TCF20: variants seen among roughly 807,000 people sequenced by gnomAD.
TCF20 encodes the protein SPRE-binding protein.
Under a neutral mutation model 148.6 loss-of-function variants are expected in TCF20, and 3 were observed. The observed-to-expected ratio is 0.02, with a 90% CI of 0.01 to 0.05. TCF20 has a LOEUF of 0.05. TCF20 is among the 10% of genes least tolerant of loss of function. TCF20 has a pLI of 1.00. For synonymous variants in TCF20, 1,049 were observed against 909.5 expected, an observed-to-expected ratio of 1.15 and a Z score of -2.76; for missense variants, 2,350 against 2,429.3, an observed-to-expected ratio of 0.97 and a Z score of 0.69.
chr22:42,231,786 A>G (rs1194848142), intron 1 of TCF20, among the ~76,000 whole-genome samples: 3 of 151,944 alleles, frequency 2.0e-5, no homozygotes, highest in African/African-American at 7.3e-5. Context: ...AAAATTAGCC[A>G]GGTGTGGTGG....
intron 2 of TCF20, among the ~76,000 whole-genome samples, chr22:42,208,936 T>G (rs1938580008): frequency 6.6e-6 from 1 of 152,064 alleles, no homozygotes; most frequent in South Asian, 2.1e-4. Context: ...CTCAAGACCC[T>G]AGGGAAAAGG....
chr22:42,177,153 G>A (rs1312448430), intron 3 of TCF20, among the ~76,000 whole-genome samples: 5 of 152,082 alleles, frequency 3.3e-5, no homozygotes, highest in African/African-American at 1.2e-4. Flanking sequence ...GGTGGCTCAC[G>A]TCTGTAATCC....
chr22:42,256,360 TTTTTC>T (rs1190430439), intron 1 of TCF20, among the ~76,000 whole-genome samples: 3 of 152,224 alleles, frequency 2.0e-5, no homozygotes, highest in East Asian at 3.8e-4. Context: ...GAAATTTTCT[TTTTTC>T]TTTTATTTTC....
intron 1 of TCF20, among the ~76,000 whole-genome samples, chr22:42,305,201 C>T (rs930222177): frequency 6.6e-6 from 1 of 152,124 alleles, no homozygotes; most frequent in African/African-American, 2.4e-5. Context: ...TGCCTCCTGG[C>T]CCCCAAGGCT....
At chr22:42,263,099 T>C (rs1433011583) in intron 1 of TCF20, among the ~76,000 whole-genome samples, 1 of 152,072 alleles carries the variant, frequency 6.6e-6, no homozygotes, top group South Asian at 2.1e-4. Flanking sequence ...AGAAGATATA[T>C]CTCCGTTGCA....
At chr22:42,335,099 C>T (rs986542733) in intron 1 of TCF20, among the ~76,000 whole-genome samples, 1 of 152,202 alleles carries the variant, frequency 6.6e-6, no homozygotes, top group Non-Finnish European at 1.5e-5. Flanking sequence ...GAGACCATTC[C>T]TGCTCCCGGG....
At chr22:42,242,202 CAAAAAA>C (rs151190006) in intron 1 of TCF20, among the ~76,000 whole-genome samples, 20 of 59,812 alleles carry the variant, frequency 3.3e-4, no homozygotes, top group African/African-American at 4.5e-4. Flanking sequence ...GACTTCGCCT[CAAAAAA>C]AAAAAAAAAA....
At chr22:42,273,132 G>GGC (rs386395500), upstream of TCF20, among the ~76,000 whole-genome samples, 78 of 151,978 alleles carry the variant, frequency 5.1e-4, no homozygotes, top group African/African-American at 1.8e-3. Context: ...GGCCAAGGGG[G>GGC]GTGTATCACC....
chr22:42,247,175 C>T (rs1378540848), intron 1 of TCF20, among the ~76,000 whole-genome samples: 2 of 151,786 alleles, frequency 1.3e-5, no homozygotes, highest in South Asian at 4.2e-4. Flanking sequence ...CGCGGTGGCT[C>T]ATACCTGTGA....
At chr22:42,181,886 A>G (rs1233000207) in intron 2 of TCF20, among the ~76,000 whole-genome samples, 1 of 152,216 alleles carries the variant, frequency 6.6e-6, no homozygotes, top group East Asian at 1.9e-4. Flanking sequence ...TGCTAAGATT[A>G]CAAGCATGAA....
upstream of TCF20, among the ~76,000 whole-genome samples, chr22:42,272,660 T>C (rs1601686798): frequency 6.6e-6 from 1 of 152,128 alleles, no homozygotes; most frequent in African/African-American, 2.4e-5. Context: ...CCCAATGCCC[T>C]CCACCTGGAA....
intron 1 of TCF20, among the ~76,000 whole-genome samples, chr22:42,257,101 A>C (rs1234613552): frequency 6.6e-6 from 1 of 152,226 alleles, no homozygotes; most frequent in Non-Finnish European, 1.5e-5. Flanking sequence ...TCAAGGCTGC[A>C]GTGCGCCATG....
chr22:42,288,529 C>T (rs2147023890), upstream of TCF20, among the ~76,000 whole-genome samples: 1 of 131,726 alleles, frequency 7.6e-6, no homozygotes, highest in Non-Finnish European at 1.6e-5. Context: ...AGCAAGACTC[C>T]ATCTCAGGAA....
chr22:42,256,876 G>A (rs537506770), intron 1 of TCF20, among the ~76,000 whole-genome samples: 1 of 152,250 alleles, frequency 6.6e-6, no homozygotes, highest in East Asian at 1.9e-4. Context: ...AACTCTCCAG[G>A]AGCCAGGCAC....
Position 42,323,863 on chromosome 22 carries a change from G to C in TCF20, c.-37+19616C>G, listed in dbSNP as rs1327388879. 3.8e-3 allele frequency among the ~76,000 whole-genome samples: 428 copies of C among 113,940 alleles called. 9 individuals carry two copies. Among genetic ancestry groups the C allele is most frequent in the Non-Finnish European group, 6.5e-3 (324 of 50,098 alleles). 74.7% of individuals were successfully genotyped at this position (113,940 alleles called of 152,430 possible). ...GGTGGTAGTGGTGATGGAGGTTATG[G>C]TGGTGGTGGTGGTGGTGGTGATGGA... On this transcript the variant is annotated intron_variant, in intron 1 of 1. Transcript: ENST00000515426.
At chr22:42,172,068 G>T (rs1375201188) in intron 3 of TCF20, among the ~76,000 whole-genome samples, 1 of 152,240 alleles carries the variant, frequency 6.6e-6, no homozygotes, top group African/African-American at 2.4e-5. Context: ...ACTAATGCCA[G>T]ATACATCTGG....
chr22:42,303,432 G>A (rs1234727859), intron 1 of TCF20, among the ~76,000 whole-genome samples: 6 of 152,238 alleles, frequency 3.9e-5, no homozygotes, highest in South Asian at 4.1e-4. Flanking sequence ...GCGTTCGCTC[G>A]GTGCAGGGCA....
chr22:42,185,380 G>C (rs1170089039), intron 2 of TCF20, among the ~76,000 whole-genome samples: 1 of 152,164 alleles, frequency 6.6e-6, no homozygotes, highest in Non-Finnish European at 1.5e-5. Flanking sequence ...TGTAAATGTG[G>C]GCTGATGGAA....
At chr22:42,289,936 C>T (rs2147025053) in intron 1 of TCF20, among the ~76,000 whole-genome samples, 1 of 152,382 alleles carries the variant, frequency 6.6e-6, no homozygotes, top group African/African-American at 2.4e-5. Flanking sequence ...ACACCGAATT[C>T]TCCATCCAGA....
Sources: allele counts gnomAD v4.1 joint callset (sites outside exome capture counted in the v4.1 genomes callset), GRCh38; gene constraint gnomAD v4.1.1; transcripts MANE v1.5; gene names NCBI Gene and HGNC (gene_info 2026-07-23, HGNC 2026-07-21).